TENM4: variants seen among roughly 807,000 people sequenced by gnomAD.
TENM4 encodes the protein teneurin-4.
In TENM4, 82 loss-of-function variants were observed where a neutral mutation model predicts 243.3. That is an observed-to-expected ratio of 0.34 (90% CI 0.28 to 0.40). TENM4 has a LOEUF of 0.40. Among genes scored for constraint, TENM4 ranks in the 10% least tolerant of loss-of-function variants. The probability of loss-of-function intolerance (pLI) is 1.00; values close to 1 mark genes in which losing one functional copy is unlikely to be tolerated. For missense variants in TENM4, 3,138 were observed against 3,673.3 expected, an observed-to-expected ratio of 0.85 and a Z score of 3.77; for synonymous variants, 1,412 against 1,456.3, an observed-to-expected ratio of 0.97 and a Z score of 0.69.
chr11:79,270,520 G>T (rs1855951430), intron 2 of TENM4, among the ~76,000 whole-genome samples: 1 of 152,118 alleles, frequency 6.6e-6, no homozygotes. Flanking sequence ...GTACCTAAGG[G>T]TTTCTCAGAC....
chr11:78,719,894 C>G lies in TENM4; in HGVS notation c.3821+476G>C, dbSNP rs371362430. Among the ~76,000 whole-genome samples the G allele has an allele frequency of 3.5e-4, 53 of 152,252 alleles. 1 individual carries two copies. In the East Asian group the frequency reaches 3.9e-3, roughly 11 times the overall value. ...AGCCTGCTTTCTCACTGATGGCAAG[C>G]CTTTTGGGTGGGGTTGCCTGGCATC... is the stretch of plus-strand genomic sequence containing the variant. On this transcript the variant is annotated intron_variant, in intron 25 of 33. Coordinates refer to ENST00000278550, the MANE Select transcript of TENM4 (RefSeq NM_001098816.3).
At chr11:79,127,716 G>A (rs755124404) in intron 4 of TENM4, among the ~76,000 whole-genome samples, 1 of 152,178 alleles carries the variant, frequency 6.6e-6, no homozygotes, top group African/African-American at 2.4e-5. Flanking sequence ...TATGCTGATC[G>A]GATCCAGTGG....
chr11:78,707,850 G>A (rs1859294855), intron 27 of TENM4, among the ~76,000 whole-genome samples: 1 of 152,226 alleles, frequency 6.6e-6, no homozygotes, highest in Non-Finnish European at 1.5e-5. Context: ...TATAAAAAGT[G>A]AGGCTCAAAA....
intron 32 of TENM4, among the ~76,000 whole-genome samples, chr11:78,665,206 TTTTTA>T (rs1858126394): frequency 2.0e-5 from 3 of 152,008 alleles, no homozygotes; most frequent in East Asian, 3.9e-4. Context: ...TTTCTTTTCC[TTTTTA>T]TTTTCTTTTT....
chr11:79,002,399 C>T (rs1274739780), intron 6 of TENM4, among the ~76,000 whole-genome samples: 3 of 152,208 alleles, frequency 2.0e-5, no homozygotes, highest in African/African-American at 7.2e-5. Context: ...TGGCTGGCAC[C>T]ACCCATTGGA....
At chr11:78,933,953 G>A (rs540559313) in intron 6 of TENM4, among the ~76,000 whole-genome samples, 66 of 152,276 alleles carry the variant, frequency 4.3e-4, no homozygotes, top group African/African-American at 1.3e-3. Context: ...CTGGGGAAAG[G>A]GGGGGACAAG....
intron 1 of TENM4, among the ~76,000 whole-genome samples, chr11:79,423,730 G>T (rs1858988964): frequency 6.6e-6 from 1 of 151,974 alleles, no homozygotes; most frequent in Admixed American, 6.6e-5. Flanking sequence ...CAGGAGCTGA[G>T]GATTTAGAAG....
chr11:78,867,746 A>G (rs1859019099), intron 9 of TENM4, among the ~76,000 whole-genome samples: 1 of 152,210 alleles, frequency 6.6e-6, no homozygotes, highest in African/African-American at 2.4e-5. Flanking sequence ...TTACTGGAGA[A>G]TGGAAGTAGA....
At position 79,328,605 on chromosome 11, in the gene TENM4, T is replaced by TGGCGGC. The variant is rs373009852; in HGVS notation, c.-320-31063_-320-31062insGCCGCC. Among the ~76,000 whole-genome samples, 47 of 151,608 alleles carry TGGCGGC rather than the reference T, an allele frequency of 3.1e-4. 1 individual carries two copies. In the South Asian group the frequency reaches 4.6e-3, roughly 15 times the overall value. ...GAGGCGGTGGCGGTGGTGGTGGCGG[T>TGGCGGC]GTGGGGACCGAGGGAGGCGGGGACA... On this transcript the variant is annotated intron_variant, in intron 1 of 33. Coordinates refer to ENST00000278550, the MANE Select transcript of TENM4 (RefSeq NM_001098816.3).
chr11:79,114,527 C>G (rs1393630168), intron 4 of TENM4, among the ~76,000 whole-genome samples: 2 of 152,176 alleles, frequency 1.3e-5, no homozygotes, highest in Non-Finnish European at 2.9e-5. Flanking sequence ...AAATCTGGAG[C>G]CTGGTATTTA....
intron 3 of TENM4, among the ~76,000 whole-genome samples, chr11:79,195,738 T>C (rs1004420844): frequency 2.6e-5 from 4 of 152,166 alleles, no homozygotes; most frequent in Non-Finnish European, 4.4e-5. Flanking sequence ...TTGTCTCAGA[T>C]GAGACTTTGG....
intron 9 of TENM4, among the ~76,000 whole-genome samples, chr11:78,865,250 A>G (rs1408915622): frequency 6.6e-6 from 1 of 152,228 alleles, no homozygotes; most frequent in Non-Finnish European, 1.5e-5. Context: ...CCCATTTTAC[A>G]GATGGAGAAA....
chr11:79,385,416 C>T (rs1198869634), intron 1 of TENM4, among the ~76,000 whole-genome samples: 1 of 152,182 alleles, frequency 6.6e-6, no homozygotes, highest in Admixed American at 6.5e-5. Context: ...TCATAGAAGA[C>T]TGAAAGAAGC....
chr11:78,988,196 A>C (rs994278316), intron 6 of TENM4, among the ~76,000 whole-genome samples: 1 of 152,238 alleles, frequency 6.6e-6, no homozygotes, highest in Non-Finnish European at 1.5e-5. Context: ...TGTTGTGAGG[A>C]TACTCAAGTA....
chr11:78,667,679 G>A (rs1271898491), intron 32 of TENM4, among the ~76,000 whole-genome samples: 3 of 152,132 alleles, frequency 2.0e-5, no homozygotes, highest in Non-Finnish European at 4.4e-5. Context: ...GAGAATTCCT[G>A]GAATGCAGGG....
chr11:78,757,640 A>T (rs1856340898), intron 18 of TENM4, among the ~76,000 whole-genome samples: 1 of 152,240 alleles, frequency 6.6e-6, no homozygotes, highest in Non-Finnish European at 1.5e-5. Context: ...GGCAATTAAG[A>T]GAAGTAGATG....
chr11:78,709,799 G>C (rs1859354714), intron 26 of TENM4, among the ~76,000 whole-genome samples: 1 of 152,166 alleles, frequency 6.6e-6, no homozygotes, highest in African/African-American at 2.4e-5. Flanking sequence ...ACACCTGCTG[G>C]CCTAACTCCT....
chr11:79,398,379 A>C (rs567975889), intron 1 of TENM4, among the ~76,000 whole-genome samples: 91 of 152,056 alleles, frequency 6.0e-4, no homozygotes, highest in African/African-American at 2.2e-3. Context: ...ATCCAGCCTT[A>C]CCTCTCAGGG....
chr11:79,005,317 G>T (rs1399034813), intron 6 of TENM4, among the ~76,000 whole-genome samples: 1 of 151,840 alleles, frequency 6.6e-6, no homozygotes, highest in African/African-American at 2.4e-5. Flanking sequence ...AAAACTTTAG[G>T]CAATATCCTT....
Sources: allele counts gnomAD v4.1 joint callset (sites outside exome capture counted in the v4.1 genomes callset), GRCh38; gene constraint gnomAD v4.1.1; transcripts MANE v1.5; gene names NCBI Gene and HGNC (gene_info 2026-07-23, HGNC 2026-07-21).